The following TEX11 variants were observed in gnomAD, a reference collection of about 807,000 sequenced individuals.
The protein encoded by TEX11 is testis-expressed protein 11.
Under a neutral mutation model 84.4 loss-of-function variants are expected in TEX11, and 7 were observed. That is an observed-to-expected ratio of 0.08 (90% CI 0.05 to 0.16). TEX11 has a LOEUF of 0.16. Ranked by LOEUF, TEX11 falls within the 10% of genes least tolerant of loss-of-function variation. TEX11 has a pLI of 1.00. For synonymous variants in TEX11, 264 were observed against 222.8 expected (o/e 1.18, Z -1.64); for missense variants, 551 against 660.5 (o/e 0.83, Z 1.82).
At chrX:70,779,678 A>G (rs2091025381) in intron 9 of TEX11, among the ~76,000 whole-genome samples, 1 of 111,119 alleles carries the variant, frequency 9.0e-6, no homozygotes, top group African/African-American at 3.3e-5. Flanking sequence ...AGAGTAATCA[A>G]ATAAAATCAG....
At chrX:70,541,514 G>A (rs1300432356) in intron 28 of TEX11, among the ~76,000 whole-genome samples, 1 of 111,663 alleles carries the variant, frequency 9.0e-6, no homozygotes, top group African/African-American at 3.3e-5. Flanking sequence ...GAGCACTTTG[G>A]GAGGCCAAGG....
At chrX:70,795,240 C>T (rs1602135898) in intron 9 of TEX11, among the ~76,000 whole-genome samples, 2 of 109,720 alleles carry the variant, frequency 1.8e-5, no homozygotes, top group South Asian at 4.0e-4. Context: ...GAAGATACTC[C>T]TCTGCTTGTG....
intron 7 of TEX11, among the ~76,000 whole-genome samples, chrX:70,848,604 G>C (rs1373218175): frequency 9.0e-6 from 1 of 111,603 alleles, no homozygotes; most frequent in Non-Finnish European, 1.9e-5. Flanking sequence ...AGGAATAATA[G>C]GGGGAGAGCA....
chrX:70,842,726 G>C (rs2091454230), intron 7 of TEX11, among the ~76,000 whole-genome samples: 1 of 111,669 alleles, frequency 9.0e-6, no homozygotes, highest in Admixed American at 9.6e-5. Context: ...TGTACATCTA[G>C]AAAACCCCAT....
intron 7 of TEX11, among the ~76,000 whole-genome samples, chrX:70,851,381 T>C (rs1373478856): frequency 3.6e-5 from 4 of 111,668 alleles, no homozygotes; most frequent in Non-Finnish European, 7.5e-5. Context: ...ACTGGGACAA[T>C]TGAATAGCCA....
intron 25 of TEX11, among the ~76,000 whole-genome samples, chrX:70,567,874 A>G (rs1445015635): frequency 9.0e-6 from 1 of 111,448 alleles, no homozygotes. Context: ...AAAAAAATGT[A>G]TATTCTGTTG....
rs1556215967 is a variant in TEX11, at chrX:70,878,450, CGT to C, written c.159+1536_159+1537del. On this transcript the variant is annotated intron_variant, in intron 3 of 29. Transcript: ENST00000374333. ...CGTCCCAAAGTGCTGGGATTACAGG[CGT>C]GAGTCACCGTGCCCAGCCAACTGGA... 2.7e-5 allele frequency among the ~76,000 whole-genome samples: 3 copies of C among 110,341 alleles called. No homozygotes were observed. The South Asian group carries it at 1.2e-3, about 43-fold the overall frequency.
At chrX:70,790,629 G>A (rs187070822) in intron 9 of TEX11, among the ~76,000 whole-genome samples, 18 of 112,254 alleles carry the variant, frequency 1.6e-4, no homozygotes, top group Non-Finnish European at 3.4e-4. Flanking sequence ...AGAGAGGATA[G>A]AGCAGAGATG....
At chrX:70,868,528 T>C (rs187149648) in intron 4 of TEX11, among the ~76,000 whole-genome samples, 138 of 111,601 alleles carry the variant, frequency 1.2e-3, no homozygotes, top group Admixed American at 3.7e-3. Context: ...CATTACTGAG[T>C]ATACACCCAA....
At chrX:70,559,731 AATTT>A (rs1315268802) in intron 25 of TEX11, among the ~76,000 whole-genome samples, 1 of 112,202 alleles carries the variant, frequency 8.9e-6, no homozygotes. Flanking sequence ...AACATACCAC[AATTT>A]ATTTAATCTA....
At chrX:70,686,865 C>G (rs2090193482) in intron 13 of TEX11, among the ~76,000 whole-genome samples, 1 of 111,097 alleles carries the variant, frequency 9.0e-6, no homozygotes. Flanking sequence ...TGTATTTTAT[C>G]TGGCAACTCT....
chrX:70,544,060 T>G (rs1179209909), intron 28 of TEX11, among the ~76,000 whole-genome samples: 1 of 111,909 alleles, frequency 8.9e-6, no homozygotes, highest in Non-Finnish European at 1.9e-5. Context: ...TAACCATGAA[T>G]AGAGCTTGCA....
rs1569429124 is a variant in TEX11, at chrX:70,750,936, ATATATATATATATAT to A, written c.693-6732_693-6718del. Reference sequence around the variant, plus strand: ...TAAAGTATAATAAAAAAAAAAAAATATATATATATATATATATATATATATATATAAAAGTCAGGA... The same window carrying A: ...TAAAGTATAATAAAAAAAAAAAAATAATATATATATATATAAAAGTCAGGA... On this transcript the variant is annotated intron_variant, in intron 9 of 29. Coordinates refer to ENST00000374333, the MANE Select transcript of TEX11 (RefSeq NM_031276.3). Among the ~76,000 whole-genome samples the A allele has an allele frequency of 4.1e-4, 15 of 36,538 alleles. 1 individual carries two copies. Among genetic ancestry groups the A allele is most frequent in the South Asian group, 2.0e-3 (1 of 490 alleles). 31.7% of individuals were successfully genotyped at this position (36,538 alleles called of 115,157 possible).
intron 8 of TEX11, among the ~76,000 whole-genome samples, chrX:70,822,184 T>C (rs776810234): frequency 3.6e-5 from 4 of 111,434 alleles, no homozygotes; most frequent in African/African-American, 1.3e-4. Context: ...AGGAAAGTAG[T>C]AGGAAAAAAG....
chrX:70,608,071 C>T (rs192787776), intron 22 of TEX11, among the ~76,000 whole-genome samples: 66 of 111,606 alleles, frequency 5.9e-4, no homozygotes, highest in African/African-American at 2.0e-3. Context: ...TAACTGCCTC[C>T]GCAAGTTTTA....
At chrX:70,822,013 A>C (rs1301585664) in intron 8 of TEX11, among the ~76,000 whole-genome samples, 1 of 111,482 alleles carries the variant, frequency 9.0e-6, no homozygotes, top group Non-Finnish European at 1.9e-5. Context: ...ATGGCATAGT[A>C]TTTGCATATA....
chrX:70,618,826 A>T (rs1001230189), intron 20 of TEX11, among the ~76,000 whole-genome samples: 4 of 112,131 alleles, frequency 3.6e-5, no homozygotes, highest in Non-Finnish European at 5.6e-5. Flanking sequence ...CAACGGGCAG[A>T]GATATATCCT....
chrX:70,662,829 A>G (rs2089942322), intron 16 of TEX11, among the ~76,000 whole-genome samples: 1 of 111,528 alleles, frequency 9.0e-6, no homozygotes, highest in East Asian at 2.8e-4. Context: ...CATACCAGTC[A>G]TTGCCTGGGG....
chrX:70,869,148 G>A (rs1217963262), intron 4 of TEX11, among the ~76,000 whole-genome samples: 1 of 105,338 alleles, frequency 9.5e-6, no homozygotes, highest in Admixed American at 1.0e-4. Flanking sequence ...AAAAGAAAAT[G>A]TTTCCTTTCT....
Sources: gnomAD v4.1 joint callset for allele counts (sites outside exome capture counted in the v4.1 genomes callset) on GRCh38, gnomAD v4.1.1 for gene constraint, MANE v1.5 for transcripts, NCBI Gene and HGNC (gene_info 2026-07-23, HGNC 2026-07-21) for gene names.